Variants in SUCLG2 observed in about 807,000 individuals in gnomAD.
The protein encoded by SUCLG2 is succinate-CoA ligase GDP-forming subunit beta, also known as succinate--CoA ligase [GDP-forming] subunit beta, mitochondrial.
SUCLG2 carries 42 observed loss-of-function variants against 47.9 expected under a neutral mutation model. The observed-to-expected ratio is 0.88, with a 90% CI of 0.69 to 1.14. SUCLG2 has a LOEUF of 1.14. Among genes scored for constraint, SUCLG2 ranks in the 50% most tolerant of loss-of-function variants. SUCLG2 has a pLI of 0.00. For synonymous variants in SUCLG2, 195 were observed against 197.3 expected (o/e 0.99, Z 0.10); for missense variants, 571 against 525.9 (o/e 1.09, Z -0.84).
chr3:67,641,303 G>A (rs969664232), intron 1 of SUCLG2, among the ~76,000 whole-genome samples: 3 of 152,160 alleles, frequency 2.0e-5, no homozygotes, highest in African/African-American at 7.2e-5. Context: ...AACAAGTGCT[G>A]GAAGCATAAA....
intron 9 of SUCLG2, among the ~76,000 whole-genome samples, chr3:67,435,832 T>C (rs1013733400): frequency 6.6e-6 from 1 of 152,182 alleles, no homozygotes; most frequent in African/African-American, 2.4e-5. Flanking sequence ...AACACGAACA[T>C]AGCTAAATGG....
chr3:67,436,591 G>A (rs1158151482), intron 9 of SUCLG2, among the ~76,000 whole-genome samples: 1 of 152,122 alleles, frequency 6.6e-6, no homozygotes, highest in Non-Finnish European at 1.5e-5. Flanking sequence ...CTGTTGCCTG[G>A]ATTACTATAG....
chr3:67,620,584 C>CAAAAAAAAAAAAA (rs71109890), intron 1 of SUCLG2, among the ~76,000 whole-genome samples: 11 of 63,472 alleles, frequency 1.7e-4, no homozygotes, highest in East Asian at 4.9e-4. Context: ...GACTCCATCT[C>CAAAAAAAAAAAAA]AAAAAAAAAA....
intron 2 of SUCLG2, among the ~76,000 whole-genome samples, chr3:67,544,019 G>A (rs1363579167): frequency 6.6e-6 from 1 of 152,166 alleles, no homozygotes; most frequent in Admixed American, 6.5e-5. Flanking sequence ...AAAACTGGGA[G>A]TGGCAGGAAA....
chr3:67,606,965 C>G (rs945528956), intron 2 of SUCLG2, among the ~76,000 whole-genome samples: 2 of 152,116 alleles, frequency 1.3e-5, no homozygotes, highest in African/African-American at 4.8e-5. Flanking sequence ...TTAAAAAGTT[C>G]AAAGAACAAC....
Position 67,400,064 on chromosome 3 carries a change from A to G in SUCLG2, c.1183+667T>C, listed in dbSNP as rs1435491838. ...AACGGACAAAACTACTCCCATTTTG[A>G]AAAACACATATGTCTGTGAGGCCAG... On this transcript the variant is annotated intron_variant, in intron 10 of 10. Coordinates refer to ENST00000307227, the MANE Select transcript of SUCLG2 (RefSeq NM_003848.4). Among the ~76,000 whole-genome samples the G allele has an allele frequency of 2.0e-5, 3 of 152,126 alleles. No individual in the cohort carries two copies. The South Asian group carries it at 6.2e-4, about 32-fold the overall frequency.
intron 10 of SUCLG2, among the ~76,000 whole-genome samples, chr3:67,365,483 A>G (rs919158261): frequency 6.6e-6 from 1 of 152,214 alleles, no homozygotes; most frequent in Admixed American, 6.5e-5. Flanking sequence ...GTGACTAGTT[A>G]TGACTTCAGT....
At chr3:67,528,630 A>G (rs773664645) in intron 3 of SUCLG2, among the ~76,000 whole-genome samples, 3 of 152,208 alleles carry the variant, frequency 2.0e-5, no homozygotes, top group African/African-American at 4.8e-5. Flanking sequence ...TGTGACAGGA[A>G]CAGGGAGGAG....
intron 1 of SUCLG2, among the ~76,000 whole-genome samples, chr3:67,615,508 T>C (rs930517297): frequency 1.3e-5 from 2 of 151,988 alleles, no homozygotes; most frequent in Non-Finnish European, 2.9e-5. Flanking sequence ...TAAAGCAGTA[T>C]TAGAAAGAGC....
intron 1 of SUCLG2, among the ~76,000 whole-genome samples, chr3:67,639,577 C>T (rs527825412): frequency 6.6e-6 from 1 of 152,000 alleles, no homozygotes; most frequent in Non-Finnish European, 1.5e-5. Flanking sequence ...AGACAACATG[C>T]CCTTAAAGAA....
chr3:67,616,091 T>C (rs1051003361), intron 1 of SUCLG2, among the ~76,000 whole-genome samples: 2 of 151,942 alleles, frequency 1.3e-5, no homozygotes, highest in East Asian at 3.9e-4. Flanking sequence ...CAGAGCCCTA[T>C]TTGTTGGCTA....
intron 9 of SUCLG2, among the ~76,000 whole-genome samples, chr3:67,450,487 T>G (rs998805296): frequency 6.6e-6 from 1 of 152,206 alleles, no homozygotes; most frequent in Admixed American, 6.5e-5. Context: ...GGAATACACT[T>G]TCTCAATTTT....
intron 9 of SUCLG2, among the ~76,000 whole-genome samples, chr3:67,469,527 A>G (rs561937764): frequency 2.0e-5 from 3 of 151,366 alleles, no homozygotes; most frequent in East Asian, 3.9e-4. Context: ...CAGGAGTTCG[A>G]GACCAGCCTG....
chr3:67,446,453 T>TA (rs1321864012), intron 9 of SUCLG2, among the ~76,000 whole-genome samples: 1 of 115,654 alleles, frequency 8.6e-6, no homozygotes, highest in Non-Finnish European at 1.7e-5. Context: ...TTTTTTGAGA[T>TA]AGAGTCTCGC....
chr3:67,633,759 C>T (rs1422030441), intron 1 of SUCLG2, among the ~76,000 whole-genome samples: 1 of 152,092 alleles, frequency 6.6e-6, no homozygotes, highest in African/African-American at 2.4e-5. Context: ...ATGAAGGGCC[C>T]TCAGAGGAAA....
intron 9 of SUCLG2, among the ~76,000 whole-genome samples, chr3:67,425,130 CCTAA>C (rs941262630): frequency 6.6e-6 from 1 of 152,136 alleles, no homozygotes; most frequent in Admixed American, 6.5e-5. Flanking sequence ...TTTATGGCTT[CCTAA>C]CTGACTTATG....
intron 2 of SUCLG2, among the ~76,000 whole-genome samples, chr3:67,564,657 A>G (rs1175749455): frequency 1.3e-5 from 2 of 152,218 alleles, no homozygotes; most frequent in Non-Finnish European, 2.9e-5. Context: ...AATGTGGCCC[A>G]ATACAAATTT....
intron 2 of SUCLG2, among the ~76,000 whole-genome samples, chr3:67,567,971 A>G (rs1020946242): frequency 2.6e-5 from 4 of 152,226 alleles, no homozygotes; most frequent in African/African-American, 9.6e-5. Context: ...AAAGAAAAAG[A>G]TACGCACTGA....
chr3:67,520,059 A>G (rs1388038094), intron 5 of SUCLG2, among the ~76,000 whole-genome samples: 1 of 152,188 alleles, frequency 6.6e-6, no homozygotes. Flanking sequence ...AGAGAACTCA[A>G]GACAGTTTCT....
Sources: gnomAD v4.1 joint callset for allele counts (sites outside exome capture counted in the v4.1 genomes callset) on GRCh38, gnomAD v4.1.1 for gene constraint, MANE v1.5 for transcripts, NCBI Gene and HGNC (gene_info 2026-07-23, HGNC 2026-07-21) for gene names.